The following HACE1 variants were observed in gnomAD, a reference collection of about 807,000 sequenced individuals.
HACE1 encodes the protein E3 ubiquitin-protein ligase HACE1.
A neutral mutation model predicts 118.4 loss-of-function variants in HACE1; 73 were observed. That is an observed-to-expected ratio of 0.62 (90% CI 0.51 to 0.75). The LOEUF (loss-of-function observed/expected upper bound fraction) is 0.75. Among genes scored for constraint, HACE1 ranks in the 30% least tolerant of loss-of-function variants. The pLI, the probability that HACE1 is intolerant of heterozygous loss-of-function variation, is 0.00. For synonymous variants in HACE1, 368 were observed against 374.8 expected (o/e 0.98, Z 0.21); for missense variants, 749 against 1,102.2 (o/e 0.68, Z 4.54).
chr6:104,730,983 T>C (rs1775140853), intron 22 of HACE1: 1 of 158,626 alleles, frequency 6.3e-6, no homozygotes, highest in Admixed American at 6.0e-5. Flanking sequence ...TGATTTGATA[T>C]TCAGAATATC....
chr6:104,797,546 T>C (rs13198196), intron 7 of HACE1, among the ~76,000 whole-genome samples: 26,815 of 151,660 alleles, frequency 0.18, 2,574 homozygotes, highest in African/African-American at 0.26. Flanking sequence ...TGTAAGAGAA[T>C]CTGGGGAAAA....
intron 5 of HACE1, among the ~76,000 whole-genome samples, chr6:104,839,711 TA>T (rs1341231818): frequency 9.9e-5 from 15 of 152,008 alleles, no homozygotes; most frequent in Non-Finnish European, 4.4e-5. Context: ...CACATACAAT[TA>T]AAACTGAGGA....
intron 5 of HACE1, among the ~76,000 whole-genome samples, chr6:104,839,992 C>T (rs1425739934): frequency 1.3e-5 from 2 of 151,906 alleles, no homozygotes; most frequent in Non-Finnish European, 1.5e-5. Flanking sequence ...GGCAACAGAG[C>T]GAGACTCTGT....
Position 104,852,363 on chromosome 6 carries a change from T to A in HACE1, c.85A>T (p.Thr29Ser). The change falls in exon 2 of 24, where the codon ACT (threonine) becomes TCT (serine). Residue 29 changes from threonine to serine, a missense_variant. Thr to Ser is a moderately conservative substitution (Grantham distance 58). This residue lies in a region of HACE1 where 120 missense variants were observed against 219.1 expected (regional missense o/e 0.55). Coordinates refer to ENST00000262903, the MANE Select transcript of HACE1 (RefSeq NM_020771.4). ...ATTGGCATTAATGTATAAACAGCAG[T>A]TTCATTATCTGAGTAAAAAAAAACA... ...RTVELPEDNE[T>S]AVYTLMPMVM... 6.3e-7 allele frequency: 1 copy of A among 1,575,042 alleles called. No individual in the cohort carries two copies. The highest frequency in any genetic ancestry group is 8.7e-7 in the Non-Finnish European group (1 of 1,152,450).
In HACE1 at chr6:104,737,417, C is replaced by T. The variant is rs1019349973; in HGVS notation, c.2513+6743G>A. 4.6e-5 allele frequency among the ~76,000 whole-genome samples: 7 copies of T among 152,030 alleles called. No homozygotes were observed. The East Asian group carries it at 5.8e-4, about 13-fold the overall frequency. Reference sequence around the variant, plus strand: ...ATTTCTGCATTTCCATCTGAGGTACCGGGTTCATCTCATTAGGGAGTGGCA... The same window carrying T: ...ATTTCTGCATTTCCATCTGAGGTACTGGGTTCATCTCATTAGGGAGTGGCA... On this transcript the variant is annotated intron_variant, in intron 22 of 23. Transcript: ENST00000262903.
intron 1 of HACE1, among the ~76,000 whole-genome samples, chr6:104,852,868 T>C (rs1038166088): frequency 2.6e-5 from 4 of 152,206 alleles, no homozygotes; most frequent in East Asian, 1.9e-4. Context: ...ACCTTAAATA[T>C]ACACAATACT....
At chr6:104,823,371 T>C (rs1049865151) in intron 6 of HACE1, among the ~76,000 whole-genome samples, 3 of 152,050 alleles carry the variant, frequency 2.0e-5, no homozygotes, top group Admixed American at 2.0e-4. Context: ...GAGGCAGAGG[T>C]TGCAGTGAGC....
chr6:104,758,467 A>C (rs573288031), intron 19 of HACE1, among the ~76,000 whole-genome samples: 19 of 152,312 alleles, frequency 1.2e-4, no homozygotes, highest in African/African-American at 4.6e-4. Flanking sequence ...TAAGTGAAAG[A>C]GAAATAAAAT....
chr6:104,819,733 G>A (rs922561322), intron 6 of HACE1, among the ~76,000 whole-genome samples: 11 of 151,930 alleles, frequency 7.2e-5, no homozygotes, highest in African/African-American at 1.5e-4. Context: ...AAATAAGACC[G>A]CACTCTGACA....
chr6:104,782,349 G>A (rs1474877369), intron 14 of HACE1: 2 of 152,498 alleles, frequency 1.3e-5, no homozygotes, highest in Non-Finnish European at 2.9e-5. Flanking sequence ...TTAGCCAGGT[G>A]TGGTGGTATG....
intron 1 of HACE1, 36 bp from the exon 2 acceptor site, chr6:104,852,407 T>C: frequency 7.9e-7 from 1 of 1,265,086 alleles, no homozygotes; most frequent in Non-Finnish European, 1.2e-6. Context: ...ATTTATCCCC[T>C]ACTTTGTGCA....
intron 10 of HACE1, among the ~76,000 whole-genome samples, chr6:104,792,827 T>C (rs1394097392): frequency 6.6e-6 from 1 of 152,186 alleles, no homozygotes; most frequent in African/African-American, 2.4e-5. Flanking sequence ...TATGAAGCTG[T>C]GATCAATCAA....
intron 6 of HACE1, among the ~76,000 whole-genome samples, chr6:104,816,877 T>C (rs911581252): frequency 6.6e-6 from 1 of 152,210 alleles, no homozygotes; most frequent in Admixed American, 6.5e-5. Flanking sequence ...GTGCCCTGGA[T>C]ATGAGACACG....
chr6:104,742,148 AC>A (rs1434887294), intron 22 of HACE1, among the ~76,000 whole-genome samples: 1 of 132,760 alleles, frequency 7.5e-6, no homozygotes, highest in African/African-American at 3.2e-5. Context: ...TACACCTTAT[AC>A]AAAAATCAAT....
At chr6:104,756,411 CAAAAAAA>C (rs149270056) in intron 19 of HACE1, among the ~76,000 whole-genome samples, 1 of 103,450 alleles carries the variant, frequency 9.7e-6, no homozygotes, top group East Asian at 2.6e-4. Context: ...GATTCCATCT[CAAAAAAA>C]AAAAAAAAAT....
intron 22 of HACE1, 124 bp from the exon 23 acceptor site, chr6:104,730,540 T>C (rs988838040): frequency 1.5e-6 from 1 of 677,974 alleles, no homozygotes. Context: ...ACGACACTTT[T>C]TAGTCTACAA....
Position 104,859,621 on chromosome 6 carries a change from G to A in HACE1, c.22C>T (p.Leu8Phe), listed in dbSNP as rs1307572279. The A allele has an allele frequency of 6.5e-7, 1 of 1,532,964 alleles. No individual in the cohort carries two copies. The highest frequency in any genetic ancestry group is 8.7e-7 in the Non-Finnish European group (1 of 1,143,272). 95.0% of individuals were successfully genotyped at this position (1,532,964 alleles called of 1,614,324 possible). Residue 8 changes from leucine (L) to phenylalanine (F), a missense_variant, in exon 1 of 24, where the codon CTC becomes TTC. By Grantham distance (22) the Leu-to-Phe change is conservative. Transcript: ENST00000262903. The part of the protein sequence containing the change: MERAMEQ[L>F]NRLTRSLRRA... The stretch of plus-strand genomic sequence containing the variant: ...CGCAGCGAGCGCGTCAGGCGGTTGA[G>A]TTGCTCCATCGCTCTCTCCATCCTC...
At chr6:104,797,533 C>A (rs1769800796) in intron 7 of HACE1, among the ~76,000 whole-genome samples, 1 of 151,474 alleles carries the variant, frequency 6.6e-6, no homozygotes, top group South Asian at 2.1e-4. Flanking sequence ...AAAGTAAAAC[C>A]AATGTAAGAG....
In HACE1 at chr6:104,751,604, C is replaced by T. The variant is rs938320818; in HGVS notation, c.2212-1132G>A. On this transcript the variant is annotated intron_variant, in intron 19 of 23. Coordinates refer to ENST00000262903, the MANE Select transcript of HACE1 (RefSeq NM_020771.4). Reference sequence around the variant, plus strand: ...ATGACCGTGCCACCACACTCCAACCCGGGCAACAGGGCAAGATCCTGTCTC... The same window carrying T: ...ATGACCGTGCCACCACACTCCAACCTGGGCAACAGGGCAAGATCCTGTCTC... Among the ~76,000 whole-genome samples the T allele has an allele frequency of 1.3e-4, 19 of 151,938 alleles. No homozygotes were observed. The East Asian group carries it at 1.5e-3, about 12-fold the overall frequency.
Sources: gnomAD v4.1 joint callset for allele counts (sites outside exome capture counted in the v4.1 genomes callset) on GRCh38, gnomAD v4.1.1 for gene constraint, gnomAD v4.1.1 regional missense constraint, MANE v1.5 for transcripts, NCBI Gene and HGNC (gene_info 2026-07-23, HGNC 2026-07-21) for gene names.